Variants in MARCHF8 observed in about 807,000 individuals in gnomAD.
MARCHF8 encodes membrane associated ring-CH-type finger 8, also known as E3 ubiquitin-protein ligase MARCHF8.
MARCHF8 carries 40 observed loss-of-function variants against 51.6 expected under a neutral mutation model. The ratio of observed to expected loss-of-function variants is 0.77; its 90% CI spans 0.60 to 1.01. MARCHF8 has a LOEUF of 1.01. Among genes scored for constraint, MARCHF8 ranks in the 50% least tolerant of loss-of-function variants. The probability of loss-of-function intolerance (pLI) is 0.00; values close to 1 mark genes in which losing one functional copy is unlikely to be tolerated. For synonymous variants in MARCHF8, 263 were observed against 280.3 expected (o/e 0.94, Z 0.62); for missense variants, 685 against 708.6 (o/e 0.97, Z 0.38).
At chr10:45,552,221 C>G (rs1374707327) in intron 1 of MARCHF8, among the ~76,000 whole-genome samples, 1 of 151,836 alleles carries the variant, frequency 6.6e-6, no homozygotes, top group Non-Finnish European at 1.5e-5. Context: ...ATACTGCTCC[C>G]ATTTTCCCAT....
At chr10:45,464,611 G>A (rs150285898) in intron 3 of MARCHF8, among the ~76,000 whole-genome samples, 5 of 152,214 alleles carry the variant, frequency 3.3e-5, no homozygotes, top group Non-Finnish European at 7.3e-5. Context: ...TCTAAATTGA[G>A]TTAGTTCATA....
chr10:45,538,550 C>G (rs929922674), upstream of MARCHF8, among the ~76,000 whole-genome samples: 4 of 152,256 alleles, frequency 2.6e-5, no homozygotes, highest in South Asian at 6.2e-4. Context: ...AGACCCATTA[C>G]TGTGCTGTAT....
At chr10:45,588,998 C>CAAAAAAAAAAAAA (rs72350925) in intron 1 of MARCHF8, among the ~76,000 whole-genome samples, 1 of 87,674 alleles carries the variant, frequency 1.1e-5, no homozygotes, top group Non-Finnish European at 2.1e-5. Context: ...GACTACGTTT[C>CAAAAAAAAAAAAA]AAAAAAAAAA....
chr10:45,463,445 A>T lies in MARCHF8; in HGVS notation c.794T>A (p.Leu265His), dbSNP rs1330695759. Residue 265 changes from leucine (L) to histidine (H), a missense_variant, in exon 5 of 8, where the codon CTC becomes CAC. By Grantham distance (99) the Leu-to-His change is moderately conservative. Transcript: ENST00000453424. ...GCTGCTGGCGCTCAAGCCGTGCGAGAGTGAGAACAGGTACTGGAGCAGTTG... is the reference window on the plus strand; with the variant it reads ...GCTGCTGGCGCTCAAGCCGTGCGAGTGTGAGAACAGGTACTGGAGCAGTTG... ...SRQLLQYLFS[L>H]SHGLSASSLH... is the part of the protein sequence containing the mutation. 1 of 1,550,620 alleles carries T rather than the reference A, an allele frequency of 6.4e-7. No homozygotes were observed. Among genetic ancestry groups the T allele is most frequent in the African/African-American group, 1.4e-5 (1 of 73,176 alleles).
In MARCHF8 at chr10:45,457,615, C is replaced by G. The variant is rs1842642956; in HGVS notation, c.*624G>C. 6.6e-6 allele frequency: 1 copy of G among 152,590 alleles called. No individual in the cohort carries two copies. Among genetic ancestry groups the G allele is most frequent in the African/African-American group, 2.4e-5 (1 of 41,428 alleles). 9.5% of individuals were successfully genotyped at this position (152,590 alleles called of 1,614,324 possible). ...GTGAGACTTTTTTTGAGTGTCAATC[C>G]CGCTGGACACACATATTACAAAATA... On this transcript the variant is annotated 3_prime_UTR_variant, in exon 8 of 8. Coordinates refer to ENST00000453424, the MANE Select transcript of MARCHF8 (RefSeq NM_001282866.2).
In MARCHF8 at chr10:45,533,228, G is replaced by C. The variant is rs775381719; in HGVS notation, c.-17C>G. ...CATGCTCATCCCAACCTCTTATCTG[G>C]TCGTCTTCTTCACAGAAGAGAGTCT... is the stretch of plus-strand genomic sequence containing the variant. On this transcript the variant is annotated 5_prime_UTR_variant, in exon 2 of 8. Transcript: ENST00000453424. 1 of 1,595,140 alleles carries C rather than the reference G, an allele frequency of 6.3e-7. No individual in the cohort carries two copies. The highest frequency in any genetic ancestry group is 8.5e-7 in the Non-Finnish European group (1 of 1,174,148).
intron 1 of MARCHF8, among the ~76,000 whole-genome samples, chr10:45,545,907 A>G (rs2044113727): frequency 6.6e-6 from 1 of 152,176 alleles, no homozygotes; most frequent in Non-Finnish European, 1.5e-5. Flanking sequence ...ACCTTAAGCT[A>G]TAAAGCTATA....
chr10:45,506,091 T>C (rs2043377728), intron 2 of MARCHF8, among the ~76,000 whole-genome samples: 1 of 143,554 alleles, frequency 7.0e-6, no homozygotes. Flanking sequence ...TCTCTTAAAG[T>C]AATATATTCT....
At chr10:45,554,650 TG>T (rs2044231602) in intron 1 of MARCHF8, among the ~76,000 whole-genome samples, 1 of 152,220 alleles carries the variant, frequency 6.6e-6, no homozygotes, top group South Asian at 2.1e-4. Context: ...CCAGGTGCAG[TG>T]GCTCATGCCT....
At chr10:45,554,218 G>A (rs972481472) in intron 1 of MARCHF8, among the ~76,000 whole-genome samples, 6 of 152,182 alleles carry the variant, frequency 3.9e-5, no homozygotes, top group African/African-American at 1.4e-4. Flanking sequence ...ACACTGACAA[G>A]TAATGGTATC....
chr10:45,570,392 G>C (rs2044415864), intron 1 of MARCHF8, among the ~76,000 whole-genome samples: 1 of 152,072 alleles, frequency 6.6e-6, no homozygotes, highest in African/African-American at 2.4e-5. Context: ...TATAATACCA[G>C]ATGCAATGAA....
intron 7 of MARCHF8, 92 bp downstream of exon 7, chr10:45,459,028 C>A: frequency 6.5e-7 from 1 of 1,532,026 alleles, no homozygotes; most frequent in Non-Finnish European, 8.9e-7. Flanking sequence ...GAAACCCAGA[C>A]GTTTTTGGCT....
chr10:45,478,802 T>C (rs2042832957), intron 3 of MARCHF8, among the ~76,000 whole-genome samples: 1 of 152,124 alleles, frequency 6.6e-6, no homozygotes, highest in Admixed American at 6.5e-5. Flanking sequence ...CTACCATGAT[T>C]GATCAGAAAG....
intron 1 of MARCHF8, among the ~76,000 whole-genome samples, chr10:45,587,207 A>C (rs1445276373): frequency 2.6e-5 from 4 of 152,170 alleles, no homozygotes; most frequent in Non-Finnish European, 5.9e-5. Flanking sequence ...TCCAACCAAA[A>C]GACTACCAGA....
chr10:45,531,277 C>T (rs2043880322), intron 2 of MARCHF8, among the ~76,000 whole-genome samples: 1 of 151,850 alleles, frequency 6.6e-6, no homozygotes, highest in Admixed American at 6.6e-5. Flanking sequence ...CTTCAGAATA[C>T]AAGAAACAAA....
At chr10:45,577,197 G>A (rs536645195) in intron 1 of MARCHF8, among the ~76,000 whole-genome samples, 1 of 152,056 alleles carries the variant, frequency 6.6e-6, no homozygotes, top group East Asian at 1.9e-4. Flanking sequence ...AACATAGACA[G>A]TAGAAGGATG....
intron 1 of MARCHF8, among the ~76,000 whole-genome samples, chr10:45,576,340 C>T (rs1050813804): frequency 1.3e-5 from 2 of 152,114 alleles, no homozygotes; most frequent in African/African-American, 4.8e-5. Context: ...CATCTCACAC[C>T]ATGAATAAAA....
At chr10:45,587,235 G>A (rs1195677509) in intron 1 of MARCHF8, among the ~76,000 whole-genome samples, 1 of 152,236 alleles carries the variant, frequency 6.6e-6, no homozygotes, top group East Asian at 1.9e-4. Context: ...AGTGGATTCA[G>A]AAAGGCTACA....
At chr10:45,536,699 T>C (rs940299234), upstream of MARCHF8, among the ~76,000 whole-genome samples, 3 of 151,732 alleles carry the variant, frequency 2.0e-5, no homozygotes, top group African/African-American at 7.3e-5. Flanking sequence ...TACAACTCAG[T>C]AACATAAGGG....
Sources: allele counts gnomAD v4.1 joint callset (sites outside exome capture counted in the v4.1 genomes callset), GRCh38; gene constraint gnomAD v4.1.1; transcripts MANE v1.5; gene names NCBI Gene and HGNC (gene_info 2026-07-23, HGNC 2026-07-21).